Variants in TSC22D1 observed in about 807,000 individuals in gnomAD.
The protein encoded by TSC22D1 is TSC22 domain family member 1, also known as TSC22 domain family protein 1.
A neutral mutation model predicts 74.2 loss-of-function variants in TSC22D1; 9 were observed. The ratio of observed to expected loss-of-function variants is 0.12; its 90% CI spans 0.07 to 0.21. TSC22D1 has a LOEUF of 0.21. Ranked by LOEUF, TSC22D1 falls within the 10% of genes least tolerant of loss-of-function variation. The pLI is 1.00. For missense variants in TSC22D1, 1,427 were observed against 1,304.7 expected, an observed-to-expected ratio of 1.09 and a Z score of -1.44; for synonymous variants, 586 against 492.5, an observed-to-expected ratio of 1.19 and a Z score of -2.51.
chr13:44,441,789 A>G (rs1217730979), intron 1 of TSC22D1, among the ~76,000 whole-genome samples: 1 of 152,164 alleles, frequency 6.6e-6, no homozygotes, highest in Non-Finnish European at 1.5e-5. Context: ...ATAAATTTTA[A>G]ACACTTCAAA....
intron 1 of TSC22D1, chr13:44,437,247 G>A: frequency 1.0e-6 from 1 of 985,500 alleles, no homozygotes; most frequent in Non-Finnish European, 1.2e-6. Context: ...CTTCCTATTT[G>A]TAACCCGAAC....
chr13:44,563,275 A>G (rs1454409202), intron 1 of TSC22D1, among the ~76,000 whole-genome samples: 1 of 152,222 alleles, frequency 6.6e-6, no homozygotes, highest in African/African-American at 2.4e-5. Flanking sequence ...TTGAGAGAGA[A>G]GACAGGAAAG....
At chr13:44,446,475 T>A (rs1224841387) in intron 1 of TSC22D1, among the ~76,000 whole-genome samples, 1 of 151,586 alleles carries the variant, frequency 6.6e-6, no homozygotes, top group South Asian at 2.1e-4. Flanking sequence ...CAATAAACAC[T>A]GGAGACTCCA....
intron 1 of TSC22D1, among the ~76,000 whole-genome samples, chr13:44,555,820 A>G (rs940895069): frequency 6.6e-6 from 1 of 152,096 alleles, no homozygotes; most frequent in African/African-American, 2.4e-5. Context: ...TCATTAGTCA[A>G]GGTGTTTTGA....
At chr13:44,503,948 T>C (rs1349148071) in intron 1 of TSC22D1, among the ~76,000 whole-genome samples, 3 of 152,040 alleles carry the variant, frequency 2.0e-5, no homozygotes, top group Non-Finnish European at 2.9e-5. Flanking sequence ...CCTTAGAGAA[T>C]ATTAACAATA....
At chr13:44,547,983 A>G (rs1472755559) in intron 1 of TSC22D1, among the ~76,000 whole-genome samples, 1 of 152,136 alleles carries the variant, frequency 6.6e-6, no homozygotes, top group Non-Finnish European at 1.5e-5. Flanking sequence ...TGCATTTTAT[A>G]TATATTGCCT....
chr13:44,441,388 G>C (rs1366241801), intron 1 of TSC22D1, among the ~76,000 whole-genome samples: 1 of 152,218 alleles, frequency 6.6e-6, no homozygotes, highest in African/African-American at 2.4e-5. Context: ...TGAAAACAGA[G>C]CAAGGAAGAA....
intron 1 of TSC22D1, chr13:44,537,807 AAAGACT>A (rs1164151863): frequency 1.0e-6 from 1 of 984,754 alleles, no homozygotes; most frequent in East Asian, 1.1e-4. Flanking sequence ...GATAGCCAAG[AAAGACT>A]AAGTGCAGGT....
chr13:44,557,911 A>C (rs1708302267), intron 1 of TSC22D1, among the ~76,000 whole-genome samples: 1 of 152,198 alleles, frequency 6.6e-6, no homozygotes, highest in African/African-American at 2.4e-5. Context: ...TACTTCAGCA[A>C]ATTTTCCAAA....
chr13:44,494,095 G>T (rs948282064), intron 1 of TSC22D1, among the ~76,000 whole-genome samples: 2 of 151,914 alleles, frequency 1.3e-5, no homozygotes, highest in South Asian at 2.1e-4. Flanking sequence ...GCCAAGCATG[G>T]TCAGGCATGG....
chr13:44,456,629 A>T (rs886891358), intron 1 of TSC22D1, among the ~76,000 whole-genome samples: 13 of 152,220 alleles, frequency 8.5e-5, no homozygotes, highest in Admixed American at 4.6e-4. Flanking sequence ...CTCAGTCAAA[A>T]GGAACCTAGA....
intron 1 of TSC22D1, among the ~76,000 whole-genome samples, chr13:44,456,198 A>T (rs973929173): frequency 6.6e-6 from 1 of 152,194 alleles, no homozygotes; most frequent in East Asian, 1.9e-4. Context: ...CAGCAGCAAG[A>T]TTTATCGCTA....
chr13:44,514,761 G>A (rs1718540468), intron 1 of TSC22D1, among the ~76,000 whole-genome samples: 1 of 152,156 alleles, frequency 6.6e-6, no homozygotes, highest in African/African-American at 2.4e-5. Context: ...TCAGGAGGCT[G>A]ACGCAGGAGA....
intron 1 of TSC22D1, among the ~76,000 whole-genome samples, chr13:44,509,372 C>T (rs1390718434): frequency 6.6e-6 from 1 of 152,250 alleles, no homozygotes; most frequent in Non-Finnish European, 1.5e-5. Context: ...GGCGTGGTGG[C>T]TCACGCCTGT....
intron 1 of TSC22D1, among the ~76,000 whole-genome samples, chr13:44,443,202 A>G (rs1048465114): frequency 1.3e-5 from 2 of 152,112 alleles, no homozygotes; most frequent in African/African-American, 4.8e-5. Flanking sequence ...AAATCTTAGA[A>G]GCAGCTGGAA....
In TSC22D1 at chr13:44,533,769, C is replaced by T. The variant is rs557532593; in HGVS notation, c.2912+39394G>A. The stretch of plus-strand genomic sequence containing the variant: ...TGGCACTCCAGCCTGGGCAATAGAG[C>T]GAGACTCTTGTCTCCAGAACAAACA... On this transcript the variant is annotated intron_variant, in intron 1 of 2. Coordinates refer to ENST00000458659, the MANE Select transcript of TSC22D1 (RefSeq NM_183422.4). Among the ~76,000 whole-genome samples, 11 of 152,120 alleles carry T rather than the reference C, an allele frequency of 7.2e-5. No individual in the cohort carries two copies. In the East Asian group the frequency reaches 9.7e-4, roughly 13 times the overall value.
At chr13:44,497,921 A>G (rs1290270415) in intron 1 of TSC22D1, among the ~76,000 whole-genome samples, 2 of 152,150 alleles carry the variant, frequency 1.3e-5, no homozygotes, top group African/African-American at 4.8e-5. Context: ...GATAGCTTTC[A>G]GGATAATATG....
chr13:44,487,865 C>G (rs548917246), intron 1 of TSC22D1, among the ~76,000 whole-genome samples: 8 of 151,992 alleles, frequency 5.3e-5, no homozygotes, highest in Non-Finnish European at 1.2e-4. Flanking sequence ...GAGACCAGCC[C>G]TGGCCAACGT....
chr13:44,502,255 T>G (rs1468890902), intron 1 of TSC22D1, among the ~76,000 whole-genome samples: 3 of 152,204 alleles, frequency 2.0e-5, no homozygotes, highest in Non-Finnish European at 4.4e-5. Context: ...AGTAATTGGA[T>G]ACTTGCTTAA....
Sources: allele counts gnomAD v4.1 joint callset (sites outside exome capture counted in the v4.1 genomes callset), GRCh38; gene constraint gnomAD v4.1.1; transcripts MANE v1.5; gene names NCBI Gene and HGNC (gene_info 2026-07-23, HGNC 2026-07-21).